The following KIF5A variants were observed in gnomAD, a reference collection of about 807,000 sequenced individuals.
KIF5A encodes the protein kinesin family member 5A.
In KIF5A, 35 loss-of-function variants were observed where a neutral mutation model predicts 141.3. That is an observed-to-expected ratio of 0.25 (90% CI 0.19 to 0.33). The LOEUF is 0.33. Among genes scored for constraint, KIF5A ranks in the 10% least tolerant of loss-of-function variants. KIF5A has a pLI of 1.00. For synonymous variants in KIF5A, 448 were observed against 500.2 expected, an observed-to-expected ratio of 0.90 and a Z score of 1.39; for missense variants, 861 against 1,314.3, an observed-to-expected ratio of 0.66 and a Z score of 5.33.
Position 57,579,502 on chromosome 12 carries a change from C to CT in KIF5A, c.2538+1170dup, listed in dbSNP as rs577843320. Among the ~76,000 whole-genome samples the CT allele has an allele frequency of 2.1e-3, 316 of 150,332 alleles. 2 individuals carry two copies. Among genetic ancestry groups the CT allele is most frequent in the Non-Finnish European group, 3.5e-3 (233 of 67,432 alleles). Reference sequence around the variant, plus strand: ...CAGCTTATATAGTAAATATTCAGTACTTTTTTTTTTCTTAATGAATCCTAA... The same window carrying CT: ...CAGCTTATATAGTAAATATTCAGTACTTTTTTTTTTTCTTAATGAATCCTAA... On this transcript the variant is annotated intron_variant, in intron 23 of 28. Coordinates refer to ENST00000455537, the MANE Select transcript of KIF5A (RefSeq NM_004984.4).
chr12:57,552,626 C>T (rs762517066), intron 1 of KIF5A, among the ~76,000 whole-genome samples: 2 of 152,128 alleles, frequency 1.3e-5, no homozygotes, highest in Non-Finnish European at 2.9e-5. Flanking sequence ...CTACAGGAGA[C>T]ATGATTTTTA....
At chr12:57,560,992 A>AAAAAG (rs1345877409) in intron 1 of KIF5A, among the ~76,000 whole-genome samples, 1 of 152,150 alleles carries the variant, frequency 6.6e-6, no homozygotes, top group Non-Finnish European at 1.5e-5. Context: ...CTGACTCAAG[A>AAAAAG]AAAAGAAAAG....
At chr12:57,554,435 C>G (rs1044050222) in intron 1 of KIF5A, among the ~76,000 whole-genome samples, 2 of 152,212 alleles carry the variant, frequency 1.3e-5, no homozygotes, top group African/African-American at 4.8e-5. Context: ...TATCTCCCCA[C>G]AAGCTAGCTT....
At chr12:57,568,523 C>T (rs1435800593) in intron 8 of KIF5A, among the ~76,000 whole-genome samples, 4 of 151,904 alleles carry the variant, frequency 2.6e-5, no homozygotes, top group African/African-American at 7.3e-5. Context: ...GTCGGGAGTT[C>T]GAGACCAGCC....
At chr12:57,557,575 A>G (rs1881784000) in intron 1 of KIF5A, among the ~76,000 whole-genome samples, 1 of 151,654 alleles carries the variant, frequency 6.6e-6, no homozygotes, top group African/African-American at 2.4e-5. Context: ...CTACATATAT[A>G]CATATGTTAA....
intron 15 of KIF5A, among the ~76,000 whole-genome samples, chr12:57,573,530 TAA>T (rs879424109): frequency 2.9e-4 from 38 of 131,596 alleles, no homozygotes; most frequent in Non-Finnish European, 3.3e-4. Context: ...GACCTTGTCT[TAA>T]AAAAAAAAAA....
In KIF5A at chr12:57,576,145, A is replaced by T; in HGVS notation, c.2082A>T (p.Glu694Asp). ...DKEPDTQDAD[E>D]VKKALELQME... ...AGCCTGACACTCAGGATGCAGATGA[A>T]GTGAAGGTGAGTAAGGAAGGTGTCA... The change falls in exon 18 of 29, where the codon GAA becomes GAT. Residue 694 changes from glutamate to aspartate, a missense_variant. This residue lies in a region of KIF5A where 482 missense variants were observed against 661.3 expected (regional missense o/e 0.73). Transcript: ENST00000455537. 2 of 1,614,138 alleles carry T rather than the reference A, an allele frequency of 1.2e-6. No homozygotes were observed. The highest frequency in any genetic ancestry group is 2.2e-5 in the South Asian group (2 of 91,084).
intron 4 of KIF5A, 66 bp downstream of exon 4, chr12:57,564,278 A>G (rs942518075): frequency 8.0e-6 from 10 of 1,252,348 alleles, no homozygotes; most frequent in African/African-American, 4.4e-5. Context: ...AAATCTTCCC[A>G]CTGAAGAGCC....
At chr12:57,574,494 G>T (rs1441242190) in intron 15 of KIF5A, among the ~76,000 whole-genome samples, 1 of 151,634 alleles carries the variant, frequency 6.6e-6, no homozygotes, top group Non-Finnish European at 1.5e-5. Context: ...GGCTGGTCTC[G>T]AACTCCTGAC....
rs976554977 is a variant in KIF5A at position 57,564,560 on chromosome 12, A to G, written c.445+52A>G. On this transcript the variant is annotated intron_variant, in intron 5 of 28. Coordinates refer to ENST00000455537, the MANE Select transcript of KIF5A (RefSeq NM_004984.4). ...GGTGTGTGAGGAGGGTGGAGAAAAG[A>G]AAGCTCACATTGCATTTGGAATTAG... is the stretch of plus-strand genomic sequence containing the variant. 11 of 1,379,092 alleles carry G rather than the reference A, an allele frequency of 8.0e-6. No homozygotes were observed. In the African/African-American group the frequency reaches 1.4e-4, roughly 18 times the overall value. The allele number at this position is 1,379,092 out of a possible 1,614,324, so 85.4% of individuals were successfully genotyped here. A position where few individuals can be genotyped will look rare whatever the true frequency, so the allele number is the denominator to read the frequency against.
At chr12:57,556,878 G>T (rs913362163) in intron 1 of KIF5A, among the ~76,000 whole-genome samples, 7 of 152,062 alleles carry the variant, frequency 4.6e-5, no homozygotes, top group African/African-American at 1.7e-4. Flanking sequence ...ATTAAATGAT[G>T]CCCACCCAGA....
At position 57,567,206 on chromosome 12, in the gene KIF5A, T is replaced by C. The variant is rs1183265837; in HGVS notation, c.582T>C (p.Ala194=). The change falls in exon 7 of 29, where the codon GCT becomes GCC. Residue 194 remains alanine, a synonymous_variant. Coordinates refer to ENST00000455537, the MANE Select transcript of KIF5A (RefSeq NM_004984.4). ...AAGGGAAATCAAATCGTCATGTGGC[T>C]GTCACCAGTGAGTGAGGATACAAGG... ...IDEGKSNRHV[A]VTNMNEHSSR... 1 of 1,610,490 alleles carries C rather than the reference T, an allele frequency of 6.2e-7. No homozygotes were observed. Among genetic ancestry groups the C allele is most frequent in the South Asian group, 1.1e-5 (1 of 91,026 alleles).
In KIF5A at chr12:57,572,791, T is replaced by C; in HGVS notation, c.1716+65T>C. The C allele has an allele frequency of 6.3e-7, 1 of 1,587,382 alleles. No homozygotes were observed. The highest frequency in any genetic ancestry group is 1.1e-5 in the South Asian group (1 of 90,440). On this transcript the variant is annotated intron_variant, in intron 15 of 28. Transcript: ENST00000455537. This position sits in a 1 kb window ranked among gnomAD's most constrained non-coding sequence, Gnocchi z 4.2. ...CTAGTGGAAGACGCAAGATGAGCCA[T>C]CCAGGCCTTCACAGATACTGAGAAA... is the stretch of plus-strand genomic sequence containing the variant.
chr12:57,555,908 C>CAAAAAAAAAAAAAA (rs763843453), intron 1 of KIF5A, among the ~76,000 whole-genome samples: 1 of 92,300 alleles, frequency 1.1e-5, no homozygotes, highest in Non-Finnish European at 2.2e-5. Context: ...AACTCTATCT[C>CAAAAAAAAAAAAAA]AAAAAAAAAA....
chr12:57,563,092 T>G (rs1332381950), intron 1 of KIF5A, among the ~76,000 whole-genome samples: 1 of 151,672 alleles, frequency 6.6e-6, no homozygotes, highest in African/African-American at 2.4e-5. Context: ...CTGCAACCTC[T>G]GCCTCTCGGG....
At position 57,569,598 on chromosome 12, in the gene KIF5A, G is replaced by T; in HGVS notation, c.1032G>T (p.Lys344Asn). 1 of 1,614,146 alleles carries T rather than the reference G, an allele frequency of 6.2e-7. No individual in the cohort carries two copies. The highest frequency in any genetic ancestry group is 8.5e-7 in the Non-Finnish European group (1 of 1,180,040). Reference sequence around the variant, plus strand: ...AGTTGACTGCTGAGCAGTGGAAGAAGAAATATGAGAAGGAGAAGGAGAAGA... The same window carrying T: ...AGTTGACTGCTGAGCAGTGGAAGAATAAATATGAGAAGGAGAAGGAGAAGA... The part of the protein sequence containing the change: ...NLELTAEQWK[K>N]KYEKEKEKTK... The change falls in exon 11 of 29, where the codon AAG becomes AAT. Residue 344 changes from lysine (K) to asparagine (N), a missense_variant. By Grantham distance (94) the Lys-to-Asn change is moderately conservative. Coordinates refer to ENST00000455537, the MANE Select transcript of KIF5A (RefSeq NM_004984.4).
At chr12:57,571,718 C>A (rs1302922477) in intron 13 of KIF5A, among the ~76,000 whole-genome samples, 1 of 152,062 alleles carries the variant, frequency 6.6e-6, no homozygotes. Flanking sequence ...TACAAGTGCA[C>A]CACCACACAT....
At chr12:57,569,130 A>T (rs1467708725) in intron 9 of KIF5A, 63 bp downstream of exon 9, 1 of 1,548,558 alleles carries the variant, frequency 6.5e-7, no homozygotes, top group African/African-American at 1.4e-5. Flanking sequence ...CCACCTGCTA[A>T]TGCCACCATA....
In KIF5A at chr12:57,576,856, A is replaced by T. The variant is rs1359073475; in HGVS notation, c.2294A>T (p.Glu765Val). 1 of 1,612,218 alleles carries T rather than the reference A, an allele frequency of 6.2e-7. No homozygotes were observed. The highest frequency in any genetic ancestry group is 1.7e-5 in the Admixed American group (1 of 59,994). ...EEHEKSTKLQ[E>V]LTFLYERHEQ... ...CACGAGAAGAGCACCAAGCTGCAGG[A>T]GCTGACGTGAGTGGCATGGATTTAC... The change falls in exon 20 of 29, where the codon GAG (glutamate) becomes GTG (valine). Residue 765 changes from glutamate to valine, a missense_variant. Coordinates refer to ENST00000455537, the MANE Select transcript of KIF5A (RefSeq NM_004984.4).
Sources: allele counts gnomAD v4.1 joint callset (sites outside exome capture counted in the v4.1 genomes callset), GRCh38; gene constraint gnomAD v4.1.1; regional missense constraint gnomAD v4.1.1; non-coding constraint Gnocchi (gnomAD v3.1); transcripts MANE v1.5; gene names NCBI Gene and HGNC (gene_info 2026-07-23, HGNC 2026-07-21).